Variants in CNTN4 observed in about 807,000 individuals in gnomAD.
CNTN4 encodes contactin-4.
In CNTN4, 77 loss-of-function variants were observed where a neutral mutation model predicts 122.5. The observed-to-expected ratio is 0.63, with a 90% CI of 0.52 to 0.76. CNTN4 has a LOEUF of 0.76. Ranked by LOEUF, CNTN4 falls within the 30% of genes least tolerant of loss-of-function variation. CNTN4 has a pLI of 0.00. For missense variants in CNTN4, 1,256 were observed against 1,259.1 expected (o/e 1.00, Z 0.04); for synonymous variants, 512 against 447.0 (o/e 1.15, Z -1.83).
At chr3:2,747,396 G>C (rs555889550) in intron 6 of CNTN4, among the ~76,000 whole-genome samples, 9 of 147,848 alleles carry the variant, frequency 6.1e-5, no homozygotes, top group Admixed American at 4.1e-4. Context: ...GCGACAGAGC[G>C]AGACTCCGTC....
At chr3:2,412,651 C>T (rs1236286164) in intron 3 of CNTN4, among the ~76,000 whole-genome samples, 1 of 151,926 alleles carries the variant, frequency 6.6e-6, no homozygotes, top group Non-Finnish European at 1.5e-5. Flanking sequence ...AAACAAAATC[C>T]TGTGTTTGAA....
intron 4 of CNTN4, among the ~76,000 whole-genome samples, chr3:2,668,975 C>G (rs1374824517): frequency 6.6e-6 from 1 of 152,162 alleles, no homozygotes; most frequent in East Asian, 1.9e-4. Context: ...TTTTGATGTG[C>G]TGCTGGATTC....
chr3:2,498,481 C>T (rs1304004662), intron 3 of CNTN4, among the ~76,000 whole-genome samples: 1 of 149,134 alleles, frequency 6.7e-6, no homozygotes, highest in Non-Finnish European at 1.5e-5. Flanking sequence ...TTGTTGTTGT[C>T]GTTGTTGTTG....
At chr3:2,162,876 G>A (rs1466606585) in intron 2 of CNTN4, among the ~76,000 whole-genome samples, 1 of 152,000 alleles carries the variant, frequency 6.6e-6, no homozygotes, top group African/African-American at 2.4e-5. Flanking sequence ...GCGGGTGGGT[G>A]GCTTGAGTCC....
intron 3 of CNTN4, among the ~76,000 whole-genome samples, chr3:2,494,211 C>T (rs139791429): frequency 8.5e-5 from 13 of 152,186 alleles, no homozygotes; most frequent in East Asian, 3.9e-4. Context: ...TCAAGAGTTC[C>T]GGAGAACACA....
At chr3:2,255,778 G>A (rs545267316) in intron 2 of CNTN4, among the ~76,000 whole-genome samples, 7 of 152,220 alleles carry the variant, frequency 4.6e-5, no homozygotes, top group African/African-American at 7.2e-5. Context: ...TTTCTGGGAC[G>A]CATTTAAAGC....
At chr3:2,765,106 C>T (rs1451416636) in intron 6 of CNTN4, among the ~76,000 whole-genome samples, 2 of 152,226 alleles carry the variant, frequency 1.3e-5, no homozygotes, top group South Asian at 2.1e-4. Flanking sequence ...AATACCCAGA[C>T]TCAATTTCTA....
chr3:2,515,604 T>C (rs1472267510), intron 3 of CNTN4, among the ~76,000 whole-genome samples: 1 of 152,126 alleles, frequency 6.6e-6, no homozygotes, highest in Non-Finnish European at 1.5e-5. Flanking sequence ...GAAAGTTTTT[T>C]TAATGATACA....
At chr3:2,696,616 A>G (rs1360576086) in intron 4 of CNTN4, among the ~76,000 whole-genome samples, 1 of 152,124 alleles carries the variant, frequency 6.6e-6, no homozygotes. Context: ...ATAAATTTAT[A>G]TTATTTGTTA....
chr3:2,889,367 C>T (rs1230858311), intron 10 of CNTN4, among the ~76,000 whole-genome samples: 1 of 152,212 alleles, frequency 6.6e-6, no homozygotes, highest in Non-Finnish European at 1.5e-5. Context: ...AGGACTGACT[C>T]TCCTCATGCC....
intron 3 of CNTN4, among the ~76,000 whole-genome samples, chr3:2,463,436 A>G (rs1399005688): frequency 2.6e-5 from 4 of 152,196 alleles, no homozygotes; most frequent in Non-Finnish European, 4.4e-5. Flanking sequence ...AACACTTTAT[A>G]TAAAAATATA....
At chr3:2,437,480 A>G (rs1297592565) in intron 3 of CNTN4, among the ~76,000 whole-genome samples, 1 of 152,218 alleles carries the variant, frequency 6.6e-6, no homozygotes, top group Non-Finnish European at 1.5e-5. Context: ...ATAATTTCAA[A>G]TAATCAAACC....
intron 3 of CNTN4, among the ~76,000 whole-genome samples, chr3:2,540,123 A>G (rs905753294): frequency 2.0e-5 from 3 of 151,760 alleles, no homozygotes; most frequent in Admixed American, 6.6e-5. Context: ...TCAGCTAACT[A>G]ATAGGTGATA....
At chr3:2,987,736 T>A (rs1005583243) in intron 13 of CNTN4, among the ~76,000 whole-genome samples, 1 of 152,178 alleles carries the variant, frequency 6.6e-6, no homozygotes, top group East Asian at 1.9e-4. Flanking sequence ...AGAAAGTAGA[T>A]GTTTGTCTCT....
intron 6 of CNTN4, among the ~76,000 whole-genome samples, chr3:2,778,058 CA>C (rs1171779933): frequency 2.0e-5 from 3 of 149,812 alleles, no homozygotes; most frequent in Admixed American, 1.3e-4. Flanking sequence ...ACTAAAAATA[CA>C]AAAAATTAGC....
intron 14 of CNTN4, among the ~76,000 whole-genome samples, chr3:3,014,345 G>A (rs1697541865): frequency 6.6e-6 from 1 of 152,114 alleles, no homozygotes; most frequent in Non-Finnish European, 1.5e-5. Flanking sequence ...ATGTGGATTT[G>A]GAAAATGTGG....
intron 6 of CNTN4, among the ~76,000 whole-genome samples, chr3:2,774,376 C>A (rs767350204): frequency 3.9e-5 from 6 of 152,140 alleles, no homozygotes; most frequent in African/African-American, 1.4e-4. Flanking sequence ...TTTCCTACCG[C>A]CATTGTTCCT....
intron 4 of CNTN4, among the ~76,000 whole-genome samples, chr3:2,621,562 G>A (rs546570206): frequency 3.3e-4 from 50 of 151,810 alleles, no homozygotes; most frequent in African/African-American, 9.4e-4. Flanking sequence ...CCGGTTGATG[G>A]GTGCAGCAAA....
chr3:2,318,086 C>T (rs2043169336), intron 2 of CNTN4, among the ~76,000 whole-genome samples: 2 of 152,056 alleles, frequency 1.3e-5, no homozygotes, highest in East Asian at 1.9e-4. Context: ...GTGGTTCTCG[C>T]CTGTAGTTCC....
Sources: allele counts gnomAD v4.1 joint callset (sites outside exome capture counted in the v4.1 genomes callset), GRCh38; gene constraint gnomAD v4.1.1; transcripts MANE v1.5; gene names NCBI Gene and HGNC (gene_info 2026-07-23, HGNC 2026-07-21).